The following SVIL variants were observed in gnomAD, a reference collection of about 807,000 sequenced individuals.
The protein encoded by SVIL is archvillin.
SVIL carries 101 observed loss-of-function variants against 240.4 expected under a neutral mutation model. That is an observed-to-expected ratio of 0.42 (90% confidence interval 0.36 to 0.50). The LOEUF is 0.50. Among genes scored for constraint, SVIL ranks in the 20% least tolerant of loss-of-function variants. SVIL has a pLI of 0.01. For synonymous variants in SVIL, 999 were observed against 1,100.0 expected, an observed-to-expected ratio of 0.91 and a Z score of 1.82; for missense variants, 2,512 against 2,818.7, an observed-to-expected ratio of 0.89 and a Z score of 2.46.
At chr10:29,661,410 C>T (rs1148217) in intron 2 of SVIL, among the ~76,000 whole-genome samples, 26,467 of 151,986 alleles carry the variant, frequency 0.17, 2,481 homozygotes, top group South Asian at 0.33. Flanking sequence ...CGAGTCAAAC[C>T]GGAATAAAAG....
intron 3 of SVIL, among the ~76,000 whole-genome samples, chr10:29,640,102 CTCT>C (rs1201217826): frequency 2.6e-5 from 4 of 152,166 alleles, no homozygotes. Context: ...TGCCTACCTT[CTCT>C]TCTTTTTATC....
At chr10:29,714,073 A>G (rs969982241) in intron 1 of SVIL, among the ~76,000 whole-genome samples, 1 of 152,204 alleles carries the variant, frequency 6.6e-6, no homozygotes, top group Non-Finnish European at 1.5e-5. Context: ...CCTACCTTGT[A>G]TAGACAGAAA....
intron 1 of SVIL, among the ~76,000 whole-genome samples, chr10:29,700,468 C>CTTT (rs71281545): frequency 0.022 from 2,441 of 113,066 alleles, 101 homozygotes; most frequent in Middle Eastern, 0.06. Context: ...TTACTATTTC[C>CTTT]TTTTTTTTTT....
chr10:29,580,037 A>C (rs1382436974), intron 1 of SVIL, among the ~76,000 whole-genome samples: 1 of 152,022 alleles, frequency 6.6e-6, no homozygotes, highest in African/African-American at 2.4e-5. Context: ...TACATCTCTG[A>C]AGGCAAAACA....
chr10:29,511,555 A>T (rs2505914), intron 17 of SVIL, among the ~76,000 whole-genome samples: 151,574 of 152,338 alleles, frequency 0.99, 75,407 homozygotes, highest in Non-Finnish European at 1. Context: ...AGGGATACAT[A>T]ATTTGACAGA....
chr10:29,675,036 T>C (rs1960093635), intron 2 of SVIL, among the ~76,000 whole-genome samples: 1 of 152,186 alleles, frequency 6.6e-6, no homozygotes, highest in Admixed American at 6.5e-5. Flanking sequence ...AACTGCCATA[T>C]AACTGAACAT....
rs1380347680 is a variant in SVIL, at chr10:29,614,389, T to C, written c.-201+20031A>G. ...ATGATTACTGCAGCACTGTTCACAA[T>C]AGCAAAGACTTGGAACCAACCCAAA... On this transcript the variant is annotated intron_variant, in intron 1 of 37. Coordinates refer to ENST00000355867, the MANE Select transcript of SVIL (RefSeq NM_021738.3). 2.0e-5 allele frequency among the ~76,000 whole-genome samples: 3 copies of C among 152,170 alleles called. No homozygotes were observed. The East Asian group carries it at 5.8e-4, about 29-fold the overall frequency.
rs766685556 is a variant in SVIL, at chr10:29,480,650, T to C, written c.5264A>G (p.Asp1755Gly). 2.5e-6 allele frequency: 4 copies of C among 1,614,188 alleles called. No homozygotes were observed. The highest frequency in any genetic ancestry group is 3.4e-6 in the Non-Finnish European group (4 of 1,180,030). The change falls in exon 29 of 38, where the codon GAT becomes GGT. Residue 1755 changes from aspartate (D) to glycine (G), a missense_variant. Physicochemically the swap from Asp to Gly is moderately conservative, Grantham distance 94. Transcript: ENST00000355867. ...RQFEITSVSV[D>G]VWHILEFDYS... Reference sequence around the variant, plus strand: ...GTCGAATTCCAGGATGTGCCAGACATCCACGGAAACGCTGGTGATCTCAAA... The same window carrying C: ...GTCGAATTCCAGGATGTGCCAGACACCCACGGAAACGCTGGTGATCTCAAA...
At chr10:29,672,887 G>C (rs891694749) in intron 2 of SVIL, among the ~76,000 whole-genome samples, 2 of 151,790 alleles carry the variant, frequency 1.3e-5, no homozygotes, top group Non-Finnish European at 2.9e-5. Context: ...CACACAGCAG[G>C]ATCTTAGCAA....
At chr10:29,466,437 G>A (rs1403795819) in intron 33 of SVIL, among the ~76,000 whole-genome samples, 1 of 152,190 alleles carries the variant, frequency 6.6e-6, no homozygotes, top group Non-Finnish European at 1.5e-5. Flanking sequence ...TATTGCAGGT[G>A]AGAATGAAAC....
At chr10:29,481,133 G>GGTGTGTGTATGT (rs1554815338) in intron 28 of SVIL, among the ~76,000 whole-genome samples, 6 of 141,324 alleles carry the variant, frequency 4.2e-5, no homozygotes, top group African/African-American at 1.6e-4. Context: ...TAGCTTTAAG[G>GGTGTGTGTATGT]GTGTGTGTGT....
At chr10:29,707,262 T>C (rs1251313276) in intron 1 of SVIL, among the ~76,000 whole-genome samples, 1 of 151,990 alleles carries the variant, frequency 6.6e-6, no homozygotes, top group African/African-American at 2.4e-5. Context: ...TGATTCTTCT[T>C]ATCCATGAGG....
upstream of SVIL, among the ~76,000 whole-genome samples, chr10:29,636,745 T>G (rs1477517889): frequency 6.6e-6 from 1 of 152,206 alleles, no homozygotes; most frequent in East Asian, 1.9e-4. Flanking sequence ...GTCCCCAAAC[T>G]GATCTACAGA....
In SVIL at chr10:29,485,977, G is replaced by A. The variant is rs776457330; in HGVS notation, c.4779+108C>T. On this transcript the variant is annotated intron_variant, in intron 26 of 37. Coordinates refer to ENST00000355867, the MANE Select transcript of SVIL (RefSeq NM_021738.3). ...CTGTAAATGTTCTACAATGGATACC[G>A]ACACTGGCTAACCTTTATTGGGAAC... The A allele has an allele frequency of 2.6e-5, 34 of 1,298,236 alleles. 1 individual carries two copies. The highest frequency in any genetic ancestry group is 7.0e-5 in the Admixed American group (3 of 42,602). 80.4% of individuals were successfully genotyped at this position (1,298,236 alleles called of 1,614,324 possible). A position where few individuals can be genotyped will look rare whatever the true frequency, so the allele number is the denominator to read the frequency against.
chr10:29,627,920 T>A (rs192080181), intron 1 of SVIL, among the ~76,000 whole-genome samples: 3 of 152,344 alleles, frequency 2.0e-5, no homozygotes, highest in Admixed American at 1.3e-4. Context: ...CGGGGGAAAT[T>A]AAGACTATCA....
intron 1 of SVIL, among the ~76,000 whole-genome samples, chr10:29,614,294 A>G (rs1815370): frequency 0.3 from 46,275 of 152,032 alleles, 7,331 homozygotes; most frequent in Non-Finnish European, 0.35. Context: ...CATTTGACCC[A>G]GCAATCCCAT....
At chr10:29,676,530 A>G (rs150385175) in intron 2 of SVIL, among the ~76,000 whole-genome samples, 181 of 152,298 alleles carry the variant, frequency 1.2e-3, no homozygotes, top group African/African-American at 4.2e-3. Context: ...AAAGTAAAAC[A>G]TGTTTCTGGA....
At chr10:29,668,934 A>T (rs1959547711) in intron 2 of SVIL, among the ~76,000 whole-genome samples, 1 of 152,224 alleles carries the variant, frequency 6.6e-6, no homozygotes, top group Non-Finnish European at 1.5e-5. Context: ...TTCTAGAGTC[A>T]ATACTCCTGG....
At chr10:29,685,204 G>A (rs7087972) in intron 2 of SVIL, among the ~76,000 whole-genome samples, 10,710 of 152,240 alleles carry the variant, frequency 0.07, 493 homozygotes, top group African/African-American at 0.12. Flanking sequence ...AGTTTGCTAA[G>A]GATAATGGCC....
Sources: allele counts gnomAD v4.1 joint callset (sites outside exome capture counted in the v4.1 genomes callset), GRCh38; gene constraint gnomAD v4.1.1; transcripts MANE v1.5; gene names NCBI Gene and HGNC (gene_info 2026-07-23, HGNC 2026-07-21).